TRAPPC10: variants seen among roughly 807,000 people sequenced by gnomAD.
TRAPPC10 encodes the protein TRAPP 130 kDa subunit.
A neutral mutation model predicts 125.5 loss-of-function variants in TRAPPC10; 23 were observed. The observed-to-expected ratio is 0.18, with a 90% CI of 0.13 to 0.26. The LOEUF (loss-of-function observed/expected upper bound fraction) is 0.26, where lower values mean the gene tolerates loss of function less well. Among genes scored for constraint, TRAPPC10 ranks in the 10% least tolerant of loss-of-function variants. The probability of loss-of-function intolerance (pLI) is 1.00; values close to 1 mark genes in which losing one functional copy is unlikely to be tolerated. For missense variants in TRAPPC10, 1,123 were observed against 1,308.4 expected (o/e 0.86, Z 2.19); for synonymous variants, 509 against 518.0 (o/e 0.98, Z 0.24).
chr21:44,078,946 TA>T (rs2037478282), intron 11 of TRAPPC10, among the ~76,000 whole-genome samples: 1 of 151,912 alleles, frequency 6.6e-6, no homozygotes. Flanking sequence ...ACCCCATCTT[TA>T]AAAAAAACAG....
intron 13 of TRAPPC10, 129 bp downstream of exon 13, chr21:44,080,256 T>C: frequency 2.6e-6 from 2 of 779,560 alleles, no homozygotes; most frequent in Non-Finnish European, 4.1e-6. Context: ...GACATGTATC[T>C]ATGTCTTTCA....
At chr21:44,047,513 G>A (rs1377936441) in intron 3 of TRAPPC10, among the ~76,000 whole-genome samples, 1 of 137,424 alleles carries the variant, frequency 7.3e-6, no homozygotes, top group Non-Finnish European at 1.5e-5. Context: ...TTTTTCTGTT[G>A]CACCCTCTCT....
At chr21:44,024,518 G>A (rs2032869235) in intron 1 of TRAPPC10, among the ~76,000 whole-genome samples, 1 of 152,160 alleles carries the variant, frequency 6.6e-6, no homozygotes, top group Non-Finnish European at 1.5e-5. Flanking sequence ...ATCAACAACA[G>A]GACTAGTGAA....
Position 44,012,574 on chromosome 21 carries a change from G to C in TRAPPC10, c.67+14G>C. The stretch of plus-strand genomic sequence containing the variant: ...CCATCGTCACCTGTGAGTGCCCGGA[G>C]GCGGGGAGGGCGCGGCGGTCGTTGG... On this transcript the variant is annotated intron_variant, in intron 1 of 22. Coordinates refer to ENST00000291574, the MANE Select transcript of TRAPPC10 (RefSeq NM_003274.5). 3.9e-6 allele frequency: 6 copies of C among 1,531,958 alleles called. No individual in the cohort carries two copies. The highest frequency in any genetic ancestry group is 5.3e-6 in the Non-Finnish European group (6 of 1,136,794). The allele number at this position is 1,531,958 out of a possible 1,614,324, so 94.9% of individuals were successfully genotyped here. A position where few individuals can be genotyped will look rare whatever the true frequency, so the allele number is the denominator to read the frequency against.
At chr21:44,032,400 T>G (rs963558622) in intron 2 of TRAPPC10, among the ~76,000 whole-genome samples, 149 of 149,550 alleles carry the variant, frequency 1.0e-3, no homozygotes, top group Middle Eastern at 6.9e-3. Context: ...TTTTTTTTTT[T>G]GAGACAGAGT....
At chr21:44,039,464 G>A (rs978699838) in intron 3 of TRAPPC10, among the ~76,000 whole-genome samples, 2 of 152,210 alleles carry the variant, frequency 1.3e-5, no homozygotes, top group Non-Finnish European at 1.5e-5. Context: ...AGTCAGCCGC[G>A]TCTCCATGGA....
chr21:44,081,005 C>CTTTTTTTTT (rs71326026), intron 13 of TRAPPC10, among the ~76,000 whole-genome samples: 7 of 103,868 alleles, frequency 6.7e-5, no homozygotes, highest in African/African-American at 9.5e-5. Context: ...TATTATTGTT[C>CTTTTTTTTT]TTTTTTTTTT....
Position 44,074,422 on chromosome 21 carries a change from C to T in TRAPPC10, c.1137C>T (p.Asp379=). ...GCTGCTGTGACCGGGCACAGATCGACTCAAACATTGCCCACACTGTGGGGC... is the reference window on the plus strand; with the variant it reads ...GCTGCTGTGACCGGGCACAGATCGATTCAAACATTGCCCACACTGTGGGGC... ...IEGCCDRAQI[D]SNIAHTVGLW... Residue 379 remains aspartate, a synonymous_variant, in exon 8 of 23, where the codon GAC becomes GAT. Coordinates refer to ENST00000291574, the MANE Select transcript of TRAPPC10 (RefSeq NM_003274.5). 1 of 1,614,242 alleles carries T rather than the reference C, an allele frequency of 6.2e-7. No homozygotes were observed. The highest frequency in any genetic ancestry group is 1.3e-5 in the African/African-American group (1 of 75,044).
chr21:44,044,594 A>G (rs1042769329), intron 3 of TRAPPC10, among the ~76,000 whole-genome samples: 4 of 149,306 alleles, frequency 2.7e-5, no homozygotes, highest in South Asian at 2.1e-4. Context: ...CCCATAGTAC[A>G]TTGTTACTAT....
At chr21:44,084,968 G>T (rs1158540525) in intron 15 of TRAPPC10, among the ~76,000 whole-genome samples, 1 of 152,200 alleles carries the variant, frequency 6.6e-6, no homozygotes, top group Non-Finnish European at 1.5e-5. Context: ...CCACCCTCCA[G>T]GAACCTCCAT....
In TRAPPC10 at chr21:44,106,338, AC is replaced by A. The variant is rs543272008; in HGVS notation, c.*2815del. ...CATCCTATATACATCAGGCTGTAAG[AC>A]CCCCCCCAGTCATCATTAATACAAT... On this transcript the variant is annotated 3_prime_UTR_variant, in exon 23 of 23. Coordinates refer to ENST00000291574, the MANE Select transcript of TRAPPC10 (RefSeq NM_003274.5). 4 of 2,548 alleles carry A rather than the reference AC, an allele frequency of 1.6e-3. No individual in the cohort carries two copies. Among genetic ancestry groups the A allele is most frequent in the African/African-American group, 4.0e-3 (2 of 504 alleles). The allele number at this position is 2,548 out of a possible 1,614,324, so 0.2% of individuals were successfully genotyped here.
chr21:44,095,166 G>C (rs1157464953), intron 20 of TRAPPC10, among the ~76,000 whole-genome samples: 4 of 150,538 alleles, frequency 2.7e-5, no homozygotes, highest in Non-Finnish European at 4.4e-5. Context: ...TCCCACCTCA[G>C]CCTGCCAAGT....
rs866900454 is a variant in TRAPPC10, at chr21:44,075,124, C to T, written c.1271C>T (p.Ala424Val). Residue 424 changes from alanine to valine, a missense_variant, in exon 9 of 23, where the codon GCA (alanine) becomes GTA (valine). Physicochemically the swap from Ala to Val is moderately conservative, Grantham distance 64 (BLOSUM62 0). Around this residue, in one of 4 missense-constraint regions of TRAPPC10, gnomAD observed 840 missense variants for 902.0 expected, o/e 0.93. Transcript: ENST00000291574. ...EDLNRTVDLL[A>V]GLGAERPETA... Reference sequence around the variant, plus strand: ...CTCAACAGGACAGTTGACCTTTTGGCAGGTTTGGGAGCTGAGCGACCAGAA... The same window carrying T: ...CTCAACAGGACAGTTGACCTTTTGGTAGGTTTGGGAGCTGAGCGACCAGAA... 6.2e-7 allele frequency: 1 copy of T among 1,614,044 alleles called. No homozygotes were observed. Among genetic ancestry groups the T allele is most frequent in the Non-Finnish European group, 8.5e-7 (1 of 1,179,972 alleles).
At chr21:44,048,052 A>G (rs542021048) in intron 3 of TRAPPC10, among the ~76,000 whole-genome samples, 32 of 152,308 alleles carry the variant, frequency 2.1e-4, no homozygotes, top group South Asian at 6.2e-4. Context: ...AGACTGGCCT[A>G]TGGGGACAGC....
At chr21:44,026,765 C>T (rs375649851) in intron 1 of TRAPPC10, among the ~76,000 whole-genome samples, 3 of 152,150 alleles carry the variant, frequency 2.0e-5, no homozygotes, top group Non-Finnish European at 2.9e-5. Context: ...CCAGTCACTC[C>T]GCTGCTTTTA....
chr21:44,087,163 G>C lies in TRAPPC10; in HGVS notation c.2539+203G>C, dbSNP rs1327194415. Among the ~76,000 whole-genome samples the C allele has an allele frequency of 1.3e-5, 2 of 152,244 alleles. No individual in the cohort carries two copies. The highest frequency in any genetic ancestry group is 2.9e-5 in the Non-Finnish European group (2 of 68,044). On this transcript the variant is annotated intron_variant, in intron 16 of 22. Transcript: ENST00000291574. This position sits in a 1 kb window ranked among gnomAD's most constrained non-coding sequence, Gnocchi z 4.6. ...ATAAACTGAGAGTGGTTCACACGCT[G>C]AGTGGCCGAGCAGTGCTTGTCTGGC...
intron 9 of TRAPPC10, among the ~76,000 whole-genome samples, chr21:44,076,337 A>C (rs973506443): frequency 1.3e-5 from 2 of 152,266 alleles, no homozygotes; most frequent in Non-Finnish European, 2.9e-5. Flanking sequence ...TAAAGATCAG[A>C]GAAAAAGCAT....
At chr21:44,054,535 C>T (rs1363687724) in intron 4 of TRAPPC10, among the ~76,000 whole-genome samples, 2 of 152,142 alleles carry the variant, frequency 1.3e-5, no homozygotes, top group African/African-American at 4.8e-5. Context: ...TTTCTGAGTT[C>T]AGATTTATTA....
chr21:44,062,919 T>C (rs2838478), intron 6 of TRAPPC10: 270,561 of 1,249,726 alleles, frequency 0.22, 37,414 homozygotes, highest in African/African-American at 0.63. Flanking sequence ...TACATTGTTA[T>C]GCTTATTTTA....
Sources: allele counts gnomAD v4.1 joint callset (sites outside exome capture counted in the v4.1 genomes callset), GRCh38; gene constraint gnomAD v4.1.1; regional missense constraint gnomAD v4.1.1; non-coding constraint Gnocchi (gnomAD v3.1); transcripts MANE v1.5; gene names NCBI Gene and HGNC (gene_info 2026-07-23, HGNC 2026-07-21).